Variants in TBRG1 observed in about 807,000 individuals in gnomAD.
The protein encoded by TBRG1 is transforming growth factor beta regulator 1.
Under a neutral mutation model 44.0 loss-of-function variants are expected in TBRG1, and 31 were observed. The ratio of observed to expected loss-of-function variants is 0.70; its 90% confidence interval spans 0.53 to 0.95. TBRG1 has a LOEUF of 0.95. Among genes scored for constraint, TBRG1 ranks in the 40% least tolerant of loss-of-function variants. The pLI, the probability that TBRG1 is intolerant of heterozygous loss-of-function variation, is 0.00. For missense variants in TBRG1, 487 were observed against 496.1 expected, an observed-to-expected ratio of 0.98 and a Z score of 0.18; for synonymous variants, 171 against 188.1, an observed-to-expected ratio of 0.91 and a Z score of 0.74.
rs114176614 is a variant in TBRG1 at position 124,632,264 on chromosome 11, G to A, written c.*26G>A. 5.7e-4 allele frequency: 919 copies of A among 1,600,734 alleles called. 6 individuals are homozygous for A. In the African/African-American group the frequency reaches 0.011, roughly 19 times the overall value. On this transcript the variant is annotated 3_prime_UTR_variant, in exon 9 of 9. Coordinates refer to ENST00000441174, the MANE Select transcript of TBRG1 (RefSeq NM_032811.3). ...ACAAGAAGGGATCAGATGCCACATC[G>A]TTTTTGTCGTGATTAATTTAACTTA...
intron 2 of TBRG1, among the ~76,000 whole-genome samples, chr11:124,625,247 GC>G (rs1473254361): frequency 6.6e-6 from 1 of 152,188 alleles, no homozygotes; most frequent in Non-Finnish European, 1.5e-5. Flanking sequence ...AAGCCATCTT[GC>G]CACATCTAAT....
chr11:124,632,633 C>A lies in TBRG1; in HGVS notation c.*395C>A. 6.0e-6 allele frequency: 1 copy of A among 165,570 alleles called. No individual in the cohort carries two copies. Among genetic ancestry groups the A allele is most frequent in the South Asian group, 1.5e-4 (1 of 6,650 alleles). The allele number at this position is 165,570 out of a possible 1,614,324, so 10.3% of individuals were successfully genotyped here. On this transcript the variant is annotated 3_prime_UTR_variant, in exon 9 of 9. Coordinates refer to ENST00000441174, the MANE Select transcript of TBRG1 (RefSeq NM_032811.3). ...TTCTGGATGCTGGGAAGTCCAAGTT[C>A]AAGGAGCGCAGATTCAATGTCTGGT...
chr11:124,630,286 C>T (rs557306584), intron 5 of TBRG1, 102 bp from the exon 6 acceptor site: 14 of 813,300 alleles, frequency 1.7e-5, no homozygotes, highest in Admixed American at 1.7e-4. Flanking sequence ...AGATGGTATA[C>T]GTCAGCTTCA....
At chr11:124,627,715 A>C (rs1354091890) in intron 5 of TBRG1, among the ~76,000 whole-genome samples, 1 of 152,112 alleles carries the variant, frequency 6.6e-6, no homozygotes, top group African/African-American at 2.4e-5. Flanking sequence ...GACTTCTTAT[A>C]GATAATATTG....
Position 124,630,414 on chromosome 11 carries a change from C to G in TBRG1, c.765C>G (p.Pro255=), listed in dbSNP as rs745477847. ...PQFEIVPEDD[P]QNAIVSSSAD... is the part of the protein sequence containing the mutation. ...TTGAAATTGTTCCTGAAGATGACCC[C>G]CAGAATGCCATTGTCAGCTCTTCTG... The change falls in exon 6 of 9, where the codon CCC becomes CCG. Residue 255 remains proline, a synonymous_variant. Coordinates refer to ENST00000441174, the MANE Select transcript of TBRG1 (RefSeq NM_032811.3). 5.6e-6 allele frequency: 9 copies of G among 1,613,510 alleles called. No homozygotes were observed. In the African/African-American group the frequency reaches 1.2e-4, roughly 22 times the overall value.
intron 8 of TBRG1, chr11:124,631,644 AC>A: frequency 1.8e-6 from 1 of 570,564 alleles, no homozygotes; most frequent in East Asian, 3.0e-5. Context: ...AAGGCAGGGT[AC>A]CCCAGAAACT....
chr11:124,633,233 T>C lies in TBRG1; in HGVS notation c.*995T>C, dbSNP rs745358356. 3 of 152,262 alleles carry C rather than the reference T, an allele frequency of 2.0e-5. No homozygotes were observed. Among genetic ancestry groups the C allele is most frequent in the Non-Finnish European group, 4.4e-5 (3 of 68,056 alleles). 9.4% of individuals were successfully genotyped at this position (152,262 alleles called of 1,614,324 possible). On this transcript the variant is annotated 3_prime_UTR_variant, in exon 9 of 9. Transcript: ENST00000441174. Reference sequence around the variant, plus strand: ...ATAATTGGGGGTTAGTCCCATACTCTATAACAGACTTAGTCCTGTCTTTTC... The same window carrying C: ...ATAATTGGGGGTTAGTCCCATACTCCATAACAGACTTAGTCCTGTCTTTTC...
Position 124,635,001 on chromosome 11 carries a change from TACTC to T in TBRG1, c.*2765_*2768del, listed in dbSNP as rs1209302121. 2 of 152,208 alleles carry T rather than the reference TACTC, an allele frequency of 1.3e-5. No individual in the cohort carries two copies. Among genetic ancestry groups the T allele is most frequent in the Non-Finnish European group, 2.9e-5 (2 of 68,036 alleles). 9.4% of individuals were successfully genotyped at this position (152,208 alleles called of 1,614,324 possible). A position where few individuals can be genotyped will look rare whatever the true frequency, so the allele number is the denominator to read the frequency against. On this transcript the variant is annotated 3_prime_UTR_variant, in exon 9 of 9. Coordinates refer to ENST00000441174, the MANE Select transcript of TBRG1 (RefSeq NM_032811.3). ...TGAATTCCCACATCATGTTTTAAAT[TACTC>T]AGCCACTAAAAATGAATGTGCATGG...
Position 124,632,228 on chromosome 11 carries a change from C to G in TBRG1, c.1226C>G (p.Ser409Cys), listed in dbSNP as rs999699348. 10 of 1,613,474 alleles carry G rather than the reference C, an allele frequency of 6.2e-6. No individual in the cohort carries two copies. The highest frequency in any genetic ancestry group is 1.7e-5 in the Admixed American group (1 of 59,940). The stretch of plus-strand genomic sequence containing the variant: ...CCATCACAGGGTAGCCCAATTCAGT[C>G]TTCAGATTGAACAAGAAGGGATCAG... ...KSPSQGSPIQ[S>C]SD is the part of the protein sequence containing the mutation. The change falls in exon 9 of 9, where the codon TCT becomes TGT. Residue 409 changes from serine to cysteine, a missense_variant. By Grantham distance (112) the Ser-to-Cys change is moderately radical. Transcript: ENST00000441174.
intron 6 of TBRG1, 46 bp from the exon 7 acceptor site, chr11:124,630,699 A>G (rs1328723212): frequency 1.5e-6 from 2 of 1,364,578 alleles, no homozygotes; most frequent in South Asian, 2.5e-5. Flanking sequence ...ATCCATCTTC[A>G]TCTCCCGCTA....
chr11:124,626,418 T>C, intron 3 of TBRG1, 55 bp from the exon 4 acceptor site: 1 of 1,445,534 alleles, frequency 6.9e-7, no homozygotes, highest in Non-Finnish European at 9.2e-7. Context: ...AATTTATCCC[T>C]TCCCTTCAAC....
rs146608215 is a variant in TBRG1, at chr11:124,623,851, A to G, written c.150+618A>G. Among the ~76,000 whole-genome samples, 97 of 152,326 alleles carry G rather than the reference A, an allele frequency of 6.4e-4. No homozygotes were observed. The East Asian group carries it at 0.016, about 26-fold the overall frequency. Reference sequence around the variant, plus strand: ...CTGGATTTATTGAGTGAATAAACTTAATATAGCTTGCCAGCCATAACTTTA... The same window carrying G: ...CTGGATTTATTGAGTGAATAAACTTGATATAGCTTGCCAGCCATAACTTTA... On this transcript the variant is annotated intron_variant, in intron 1 of 8. Coordinates refer to ENST00000441174, the MANE Select transcript of TBRG1 (RefSeq NM_032811.3).
chr11:124,625,507 T>C (rs941967177), intron 2 of TBRG1, among the ~76,000 whole-genome samples, 164 bp from the exon 3 acceptor site: 1 of 152,240 alleles, frequency 6.6e-6, no homozygotes, highest in Non-Finnish European at 1.5e-5. Flanking sequence ...GAAGTATTGA[T>C]TATCCTCCAG....
chr11:124,625,882 A>C lies in TBRG1; in HGVS notation c.433A>C (p.Lys145Gln), dbSNP rs764953088. 3 of 1,578,950 alleles carry C rather than the reference A, an allele frequency of 1.9e-6. No homozygotes were observed. Among genetic ancestry groups the C allele is most frequent in the Non-Finnish European group, 2.6e-6 (3 of 1,165,066 alleles). ...KTKKEKKEKG[K>Q]ENNKLEVLKK... ...TAAGAAGGAGAAAAAAGAAAAAGGC[A>C]AAGAGAACAACAAACTGGAAGGTAC... Residue 145 changes from lysine to glutamine, a missense_variant, in exon 3 of 9, where the codon AAA becomes CAA. Coordinates refer to ENST00000441174, the MANE Select transcript of TBRG1 (RefSeq NM_032811.3).
Position 124,624,962 on chromosome 11 carries a change from G to A in TBRG1, c.182G>A (p.Arg61His), listed in dbSNP as rs777549339. The stretch of plus-strand genomic sequence containing the variant: ...GCTGCTATTTGTGATGAAATTGCTC[G>A]TCTTGAGGAAAAATTTCTTAAAGCA... Reference protein sequence around the residue: ...ENAAICDEIARLEEKFLKAKE... With the variant: ...ENAAICDEIAHLEEKFLKAKE... Residue 61 changes from arginine (R) to histidine (H), a missense_variant, in exon 2 of 9, where the codon CGT becomes CAT. Arg to His is a conservative substitution (Grantham distance 29). Transcript: ENST00000441174. 1.2e-4 allele frequency: 189 copies of A among 1,548,974 alleles called. 2 individuals carry two copies. The highest frequency in any genetic ancestry group is 8.5e-4 in the Admixed American group (43 of 50,776).
intron 5 of TBRG1, among the ~76,000 whole-genome samples, chr11:124,628,086 T>C (rs1456603973): frequency 3.5e-5 from 2 of 57,064 alleles, no homozygotes; most frequent in South Asian, 5.0e-4. Flanking sequence ...TATATATATA[T>C]ATATATATAT....
At position 124,631,340 on chromosome 11, in the gene TBRG1, A is replaced by C. The variant is rs201759246; in HGVS notation, c.1013A>C (p.Glu338Ala). 2 of 1,613,502 alleles carry C rather than the reference A, an allele frequency of 1.2e-6. No homozygotes were observed. The highest frequency in any genetic ancestry group is 1.7e-6 in the Non-Finnish European group (2 of 1,179,698). The change falls in exon 8 of 9, where the codon GAG (glutamate) becomes GCG (alanine). Residue 338 changes from glutamate to alanine, a missense_variant. Glu to Ala is a moderately radical substitution (Grantham distance 107, BLOSUM62 -1). Coordinates refer to ENST00000441174, the MANE Select transcript of TBRG1 (RefSeq NM_032811.3). ...GGGCAGCTACCTGAGGGGCTGCCGG[A>C]GAATGATGCAGCTATGAGCTTTGAA... The part of the protein sequence containing the change: ...GDGQLPEGLP[E>A]NDAAMSFEAF...
At chr11:124,623,306 C>T (rs1254820917) in intron 1 of TBRG1, 73 bp downstream of exon 1, 38 of 1,492,072 alleles carry the variant, frequency 2.5e-5, no homozygotes, top group Non-Finnish European at 2.9e-5. Context: ...AGCTGTTCCC[C>T]CTTCCCAGTG....
chr11:124,635,104 T>C lies in TBRG1; in HGVS notation c.*2866T>C, dbSNP rs1315866266. ...TCTAGGTTCCTGGAGGTGAAAGGAA[T>C]CTGGACTTAGAGTTCTTGGCTACCT... On this transcript the variant is annotated 3_prime_UTR_variant, in exon 9 of 9. Coordinates refer to ENST00000441174, the MANE Select transcript of TBRG1 (RefSeq NM_032811.3). The C allele has an allele frequency of 6.6e-6, 1 of 152,208 alleles. No individual in the cohort carries two copies. Among genetic ancestry groups the C allele is most frequent in the Non-Finnish European group, 1.5e-5 (1 of 68,038 alleles). 9.4% of individuals were successfully genotyped at this position (152,208 alleles called of 1,614,324 possible). A position where few individuals can be genotyped will look rare whatever the true frequency, so the allele number is the denominator to read the frequency against.
Sources: gnomAD v4.1 joint callset for allele counts (sites outside exome capture counted in the v4.1 genomes callset) on GRCh38, gnomAD v4.1.1 for gene constraint, MANE v1.5 for transcripts, NCBI Gene and HGNC (gene_info 2026-07-23, HGNC 2026-07-21) for gene names.